Variants in SYNPR observed in about 807,000 individuals in gnomAD.
The protein encoded by SYNPR is synaptoporin.
SYNPR carries 23 observed loss-of-function variants against 32.9 expected under a neutral mutation model. That is an observed-to-expected ratio of 0.70 (90% CI 0.50 to 0.99). SYNPR has a LOEUF of 0.99. Ranked by LOEUF, SYNPR falls within the 50% of genes least tolerant of loss-of-function variation. SYNPR has a pLI of 0.00. For missense variants in SYNPR, 318 were observed against 349.3 expected (o/e 0.91, Z 0.71); for synonymous variants, 146 against 135.9 (o/e 1.07, Z -0.52).
At chr3:63,510,535 AG>A (rs1461243776) in intron 3 of SYNPR, among the ~76,000 whole-genome samples, 2 of 152,176 alleles carry the variant, frequency 1.3e-5, no homozygotes, top group African/African-American at 2.4e-5. Flanking sequence ...TAGAAAAGAG[AG>A]GGTTCCTAAA....
intron 2 of SYNPR, among the ~76,000 whole-genome samples, chr3:63,442,251 C>T (rs374313503): frequency 1.3e-5 from 2 of 150,136 alleles, no homozygotes; most frequent in South Asian, 4.2e-4. Context: ...GGAAGGAAAG[C>T]GAGAGAGAGA....
At position 63,541,889 on chromosome 3, in the gene SYNPR, A is replaced by G. The variant is rs540560637; in HGVS notation, c.210-14654A>G. Reference sequence around the variant, plus strand: ...TCAAGAGGGCACTTGGGATGAAAATAACAAGCTAAAAATAGAGGCACGAGG... The same window carrying G: ...TCAAGAGGGCACTTGGGATGAAAATGACAAGCTAAAAATAGAGGCACGAGG... On this transcript the variant is annotated intron_variant, in intron 3 of 5. Coordinates refer to ENST00000478300, the MANE Select transcript of SYNPR (RefSeq NM_001130003.2). 2.6e-5 allele frequency among the ~76,000 whole-genome samples: 4 copies of G among 152,292 alleles called. No homozygotes were observed. In the South Asian group the frequency reaches 8.3e-4, roughly 32 times the overall value.
upstream of SYNPR, among the ~76,000 whole-genome samples, chr3:63,225,065 G>A (rs1199970498): frequency 6.6e-6 from 1 of 152,112 alleles, no homozygotes; most frequent in African/African-American, 2.4e-5. Context: ...GGAGACTCTC[G>A]CTATGTCCCC....
intron 2 of SYNPR, among the ~76,000 whole-genome samples, chr3:63,358,535 T>C (rs1450450477): frequency 6.6e-6 from 1 of 152,188 alleles, no homozygotes; most frequent in Non-Finnish European, 1.5e-5. Context: ...AACTCAGTTT[T>C]GCCATGTAAG....
chr3:63,466,204 C>T (rs1700675031), intron 2 of SYNPR, among the ~76,000 whole-genome samples: 1 of 152,064 alleles, frequency 6.6e-6, no homozygotes, highest in African/African-American at 2.4e-5. Flanking sequence ...ACGATAGCCT[C>T]CTACTCCTTT....
At chr3:63,540,967 A>G (rs1023752737) in intron 3 of SYNPR, among the ~76,000 whole-genome samples, 25 of 150,358 alleles carry the variant, frequency 1.7e-4, no homozygotes, top group Non-Finnish European at 3.6e-4. Flanking sequence ...ACACATATAC[A>G]TAGTACCTGA....
At chr3:63,206,265 G>T in the SYNPR span, among the ~76,000 whole-genome samples, 1 of 152,152 alleles carries the variant, frequency 6.6e-6, no homozygotes, top group Non-Finnish European at 1.5e-5. Context: ...GGGGGGAAAG[G>T]CTCTGAAAAA....
chr3:63,250,817 T>G (rs183126492), intron 1 of SYNPR, among the ~76,000 whole-genome samples: 31 of 152,252 alleles, frequency 2.0e-4, no homozygotes, highest in Admixed American at 1.1e-3. Context: ...GACTTTTGGT[T>G]CAAGATGATG....
intron 2 of SYNPR, among the ~76,000 whole-genome samples, chr3:63,391,855 G>C (rs1475222982): frequency 6.6e-6 from 1 of 152,184 alleles, no homozygotes; most frequent in Non-Finnish European, 1.5e-5. Flanking sequence ...GCTGATGAAA[G>C]TAATTGTATG....
chr3:63,245,680 TGAGAGAGA>T lies in SYNPR; in HGVS notation n.67-6795_67-6788del, dbSNP rs71992869. On this transcript the variant is annotated intron_variant and non_coding_transcript_variant, in intron 1 of 4. Coordinates refer to the SYNPR transcript ENST00000478456. Reference sequence around the variant, plus strand: ...AGTTACCTAAGAAAGCTTTGTCAAGTGAGAGAGAGAGAGAGAGAGAGAGAGAGAGAGTG... The same window carrying T: ...AGTTACCTAAGAAAGCTTTGTCAAGTGAGAGAGAGAGAGAGAGAGAGAGTG... Among the ~76,000 whole-genome samples the T allele has an allele frequency of 3.2e-3, 394 of 123,360 alleles. 1 individual carries two copies. Among genetic ancestry groups the T allele is most frequent in the Middle Eastern group, 9.3e-3 (2 of 216 alleles). The allele number at this position is 123,360 out of a possible 152,430, so 80.9% of individuals were successfully genotyped here.
At chr3:63,400,936 G>A (rs1443833845) in intron 2 of SYNPR, among the ~76,000 whole-genome samples, 1 of 152,148 alleles carries the variant, frequency 6.6e-6, no homozygotes, top group African/African-American at 2.4e-5. Context: ...ACATATGATG[G>A]AAAATCCTCT....
intron 2 of SYNPR, among the ~76,000 whole-genome samples, chr3:63,454,630 G>A (rs1334367193): frequency 6.6e-6 from 1 of 152,090 alleles, no homozygotes; most frequent in Non-Finnish European, 1.5e-5. Flanking sequence ...GGGAGACACA[G>A]ACAAAGGTCC....
At chr3:63,386,340 T>C (rs1311838677) in intron 2 of SYNPR, among the ~76,000 whole-genome samples, 1 of 152,178 alleles carries the variant, frequency 6.6e-6, no homozygotes, top group Non-Finnish European at 1.5e-5. Context: ...AATAAATGTA[T>C]TCTACTCTGT....
At chr3:63,255,296 T>A (rs1236081794) in intron 2 of SYNPR, among the ~76,000 whole-genome samples, 1 of 152,122 alleles carries the variant, frequency 6.6e-6, no homozygotes, top group East Asian at 1.9e-4. Context: ...ATTTCCAGCT[T>A]TCAACCCTGC....
intron 2 of SYNPR, among the ~76,000 whole-genome samples, chr3:63,365,459 A>G (rs1446562413): frequency 6.6e-6 from 1 of 152,178 alleles, no homozygotes; most frequent in Non-Finnish European, 1.5e-5. Context: ...TTTACATTGT[A>G]GGTGTCTACA....
At chr3:63,237,441 T>C (rs1032159117) in intron 1 of SYNPR, among the ~76,000 whole-genome samples, 2 of 152,198 alleles carry the variant, frequency 1.3e-5, no homozygotes, top group African/African-American at 2.4e-5. Context: ...GAAATTTTCA[T>C]GTGCGTCAAG....
At chr3:63,380,308 T>C (rs915739072) in intron 2 of SYNPR, among the ~76,000 whole-genome samples, 7 of 152,156 alleles carry the variant, frequency 4.6e-5, no homozygotes, top group Non-Finnish European at 7.4e-5. Context: ...CCACCAACAG[T>C]GTAAAAGTGT....
At chr3:63,284,380 T>A (rs1429759425) in intron 2 of SYNPR, among the ~76,000 whole-genome samples, 21 of 152,198 alleles carry the variant, frequency 1.4e-4, no homozygotes, top group Non-Finnish European at 2.5e-4. Flanking sequence ...TCCAACACAA[T>A]GCTGCAGCCC....
At chr3:63,369,375 G>A (rs2087768039) in intron 2 of SYNPR, among the ~76,000 whole-genome samples, 1 of 152,188 alleles carries the variant, frequency 6.6e-6, no homozygotes, top group South Asian at 2.1e-4. Flanking sequence ...AAATGGAGGA[G>A]GGGGTTAAGT....
Sources: allele counts gnomAD v4.1 joint callset (sites outside exome capture counted in the v4.1 genomes callset), GRCh38; gene constraint gnomAD v4.1.1; transcripts MANE v1.5; gene names NCBI Gene and HGNC (gene_info 2026-07-23, HGNC 2026-07-21).